The following ERC2 variants were observed in gnomAD, a reference collection of about 807,000 sequenced individuals.
ERC2 encodes the protein ERC protein 2.
A neutral mutation model predicts 114.8 loss-of-function variants in ERC2; 42 were observed. The observed-to-expected ratio is 0.37, with a 90% confidence interval of 0.29 to 0.47. The LOEUF (loss-of-function observed/expected upper bound fraction) is 0.47. ERC2 is among the 20% of genes least tolerant of loss of function. ERC2 has a pLI of 0.99. For synonymous variants in ERC2, 454 were observed against 425.5 expected, an observed-to-expected ratio of 1.07 and a Z score of -0.82; for missense variants, 939 against 1,150.7, an observed-to-expected ratio of 0.82 and a Z score of 2.66.
chr3:55,772,465 C>T (rs1216436880), intron 14 of ERC2, among the ~76,000 whole-genome samples: 1 of 152,224 alleles, frequency 6.6e-6, no homozygotes, highest in Non-Finnish European at 1.5e-5. Flanking sequence ...CAGGCACCCG[C>T]CACCACGCCT....
At chr3:55,883,077 T>A (rs1187302802) in intron 14 of ERC2, among the ~76,000 whole-genome samples, 1 of 152,366 alleles carries the variant, frequency 6.6e-6, no homozygotes, top group East Asian at 1.9e-4. Flanking sequence ...AGTTTGTTCA[T>A]CTAAAAGAGT....
At chr3:56,017,927 C>T (rs536790515) in intron 8 of ERC2, among the ~76,000 whole-genome samples, 7 of 152,218 alleles carry the variant, frequency 4.6e-5, no homozygotes, top group African/African-American at 1.7e-4. Context: ...GCAGGTTATG[C>T]TGGGCACAGG....
At chr3:56,236,588 C>T (rs995746069) in intron 3 of ERC2, among the ~76,000 whole-genome samples, 1 of 152,180 alleles carries the variant, frequency 6.6e-6, no homozygotes, top group East Asian at 1.9e-4. Context: ...AGATCCTAGG[C>T]TGCTGAAGGC....
chr3:56,249,414 C>T (rs1394230265), intron 3 of ERC2, among the ~76,000 whole-genome samples: 1 of 152,012 alleles, frequency 6.6e-6, no homozygotes, highest in Non-Finnish European at 1.5e-5. Flanking sequence ...CAAGCTCCGC[C>T]TCCCGGGTTC....
At chr3:55,733,315 G>A (rs757689939) in intron 15 of ERC2, among the ~76,000 whole-genome samples, 26 of 152,110 alleles carry the variant, frequency 1.7e-4, no homozygotes, top group Non-Finnish European at 3.5e-4. Context: ...AGCAAGGCAT[G>A]CCACTCTGTG....
intron 2 of ERC2, among the ~76,000 whole-genome samples, chr3:56,298,805 T>C (rs1019692831): frequency 6.6e-6 from 1 of 152,156 alleles, no homozygotes; most frequent in Non-Finnish European, 1.5e-5. Flanking sequence ...TTTGTGAATA[T>C]ACTAAAACCA....
Position 55,814,605 on chromosome 3 carries a change from G to A in ERC2, c.2564+73784C>T, listed in dbSNP as rs115710601. Among the ~76,000 whole-genome samples the A allele has an allele frequency of 1.3e-3, 192 of 152,328 alleles. 1 individual carries two copies. The highest frequency in any genetic ancestry group is 4.3e-3 in the African/African-American group (180 of 41,574). On this transcript the variant is annotated intron_variant, in intron 14 of 17. Transcript: ENST00000288221. ...TAGGGAAACAGAAATGTTGGCTGAG[G>A]TGGTCAATCTTTCTATAGAAGTAGT...
intron 14 of ERC2, among the ~76,000 whole-genome samples, chr3:55,749,623 T>A (rs1158208271): frequency 6.6e-6 from 1 of 152,046 alleles, no homozygotes; most frequent in East Asian, 1.9e-4. Context: ...AACACACCAA[T>A]CAGCAGGATT....
At chr3:56,241,090 T>C (rs754523800) in intron 3 of ERC2, among the ~76,000 whole-genome samples, 15 of 152,196 alleles carry the variant, frequency 9.9e-5, no homozygotes, top group Non-Finnish European at 1.8e-4. Context: ...TGATTTTCTG[T>C]TTCTGAGTTA....
intron 7 of ERC2, among the ~76,000 whole-genome samples, chr3:56,068,945 G>A (rs1202672601): frequency 6.6e-6 from 1 of 152,184 alleles, no homozygotes; most frequent in South Asian, 2.1e-4. Context: ...GCTGAGGAGT[G>A]TTTTACTTCC....
chr3:55,958,953 G>C (rs543527027), intron 12 of ERC2, among the ~76,000 whole-genome samples: 1 of 152,272 alleles, frequency 6.6e-6, no homozygotes, highest in South Asian at 2.1e-4. Context: ...AACTCAGTAA[G>C]GGGCAGGGCT....
intron 6 of ERC2, 79 bp from the exon 7 acceptor site, chr3:56,081,063 G>T: frequency 2.1e-6 from 3 of 1,459,988 alleles, no homozygotes; most frequent in Non-Finnish European, 2.8e-6. Flanking sequence ...CTTTGAGGAG[G>T]CAGGGCAGCA....
intron 6 of ERC2, among the ~76,000 whole-genome samples, chr3:56,099,877 T>C (rs1287407228): frequency 7.2e-5 from 11 of 152,168 alleles, no homozygotes; most frequent in Admixed American, 7.2e-4. Flanking sequence ...CTTTCCCCCT[T>C]GCCAGACACA....
chr3:56,364,131 T>C (rs1239786156), intron 2 of ERC2, among the ~76,000 whole-genome samples: 2 of 152,202 alleles, frequency 1.3e-5, no homozygotes, highest in Non-Finnish European at 2.9e-5. Flanking sequence ...TGAATAAGCC[T>C]GTCAGAGAAG....
chr3:55,996,716 G>A (rs1489943884), intron 10 of ERC2, among the ~76,000 whole-genome samples: 2 of 152,204 alleles, frequency 1.3e-5, no homozygotes, highest in Non-Finnish European at 2.9e-5. Context: ...GGGTTTTGAT[G>A]TGAACTGACT....
intron 3 of ERC2, among the ~76,000 whole-genome samples, chr3:56,234,531 G>A (rs1277663200): frequency 6.6e-6 from 1 of 152,190 alleles, no homozygotes; most frequent in Admixed American, 6.5e-5. Flanking sequence ...TTTAGACCAT[G>A]AACCCTGGAA....
intron 17 of ERC2, among the ~76,000 whole-genome samples, chr3:55,546,075 T>C (rs1190425753): frequency 2.6e-5 from 4 of 152,110 alleles, no homozygotes; most frequent in African/African-American, 9.7e-5. Flanking sequence ...CTATGCAGTA[T>C]GGGATAAGCT....
At chr3:56,391,851 T>C (rs2060140908) in intron 2 of ERC2, among the ~76,000 whole-genome samples, 1 of 152,156 alleles carries the variant, frequency 6.6e-6, no homozygotes, top group Non-Finnish European at 1.5e-5. Context: ...ACCTATGGGC[T>C]TTAGGGAAAA....
intron 13 of ERC2, among the ~76,000 whole-genome samples, chr3:55,908,503 G>C (rs1176188527): frequency 6.6e-6 from 1 of 152,146 alleles, no homozygotes; most frequent in African/African-American, 2.4e-5. Flanking sequence ...GGAAGAGTCA[G>C]GGAGCGATGC....
Sources: gnomAD v4.1 joint callset for allele counts (sites outside exome capture counted in the v4.1 genomes callset) on GRCh38, gnomAD v4.1.1 for gene constraint, MANE v1.5 for transcripts, NCBI Gene and HGNC (gene_info 2026-07-23, HGNC 2026-07-21) for gene names.